The following MSANTD4 variants were observed in gnomAD, a reference collection of about 807,000 sequenced individuals.
MSANTD4 encodes Myb/SANT DNA binding domain containing 4 with coiled-coils.
Under a neutral mutation model 34.3 loss-of-function variants are expected in MSANTD4, and 13 were observed. That is an observed-to-expected ratio of 0.38 (90% CI 0.25 to 0.60). The LOEUF is 0.60. Ranked by LOEUF, MSANTD4 falls within the 20% of genes least tolerant of loss-of-function variation. The pLI, the probability that MSANTD4 is intolerant of heterozygous loss-of-function variation, is 0.63. For synonymous variants in MSANTD4, 137 were observed against 145.2 expected (o/e 0.94, Z 0.41); for missense variants, 358 against 401.8 (o/e 0.89, Z 0.93).
intron 1 of MSANTD4, among the ~76,000 whole-genome samples, chr11:106,017,328 C>T (rs1488637073): frequency 6.6e-6 from 1 of 152,198 alleles, no homozygotes; most frequent in Non-Finnish European, 1.5e-5. Context: ...ACTCTGTCTA[C>T]CACCAACCTG....
rs748599931 is a variant in MSANTD4, at chr11:106,010,447, A to C, written c.462+9T>G. On this transcript the variant is annotated intron_variant, in intron 2 of 2. Transcript: ENST00000301919. ...AAGATTAAAAGAGGGTACAGAGGCT[A>C]ATACTTACTTCAGGACTCTGCGGAT... 5.6e-6 allele frequency: 9 copies of C among 1,604,174 alleles called. No homozygotes were observed. The highest frequency in any genetic ancestry group is 1.7e-4 in the Middle Eastern group (1 of 5,998).
Position 106,010,977 on chromosome 11 carries a change from A to G in MSANTD4, c.-60T>C. The G allele has an allele frequency of 1.3e-6, 2 of 1,493,574 alleles. No homozygotes were observed. The highest frequency in any genetic ancestry group is 1.8e-6 in the Non-Finnish European group (2 of 1,126,100). The allele number at this position is 1,493,574 out of a possible 1,614,324, so 92.5% of individuals were successfully genotyped here. A position where few individuals can be genotyped will look rare whatever the true frequency, so the allele number is the denominator to read the frequency against. ...GTGAAAACAATTTGAGGAATGCTGC[A>G]AAGCACAAAAACCAGGGATAATTCT... On this transcript the variant is annotated 5_prime_UTR_variant, in exon 2 of 3. Coordinates refer to ENST00000301919, the MANE Select transcript of MSANTD4 (RefSeq NM_032424.3).
intron 1 of MSANTD4, among the ~76,000 whole-genome samples, chr11:106,012,346 T>C (rs951999759): frequency 6.6e-6 from 1 of 152,168 alleles, no homozygotes; most frequent in East Asian, 1.9e-4. Flanking sequence ...GGCTGGACTA[T>C]ATTTTTGTTT....
rs190319349 is a variant in MSANTD4 at position 106,020,551 on chromosome 11, G to A, written c.-151+411C>T. The stretch of plus-strand genomic sequence containing the variant: ...CCGTAAGATTTTGCTCTTAGAATCT[G>A]AGATCAATTTAGAAATCGCATTGTT... On this transcript the variant is annotated intron_variant, in intron 1 of 2. Transcript: ENST00000301919. Among the ~76,000 whole-genome samples, 322 of 152,290 alleles carry A rather than the reference G, an allele frequency of 2.1e-3. 1 individual carries two copies. The highest frequency in any genetic ancestry group is 6.4e-3 in the Admixed American group (98 of 15,292).
intron 1 of MSANTD4, among the ~76,000 whole-genome samples, 159 bp downstream of exon 1, chr11:106,020,803 A>C (rs1018185891): frequency 1.3e-4 from 20 of 152,340 alleles, no homozygotes; most frequent in African/African-American, 4.8e-4. Context: ...ATACATTTTT[A>C]ACCTGACTGA....
intron 1 of MSANTD4, 80 bp from the exon 2 acceptor site, chr11:106,011,147 T>C: frequency 1.6e-6 from 1 of 639,496 alleles, no homozygotes; most frequent in Non-Finnish European, 2.4e-6. Context: ...ATATAATTTT[T>C]AAGAGAAACA....
chr11:106,016,694 T>C (rs1310375919), intron 1 of MSANTD4, among the ~76,000 whole-genome samples: 2 of 152,120 alleles, frequency 1.3e-5, no homozygotes, highest in Admixed American at 6.5e-5. Context: ...CAAGTCAACA[T>C]AGGCAAGAAG....
At chr11:106,017,674 T>C (rs1591522518) in intron 1 of MSANTD4, among the ~76,000 whole-genome samples, 1 of 152,190 alleles carries the variant, frequency 6.6e-6, no homozygotes, top group Non-Finnish European at 1.5e-5. Flanking sequence ...ATGTATTACA[T>C]GAATACATAC....
In MSANTD4 at chr11:106,009,414, T is replaced by A. The variant is rs1859617587; in HGVS notation, c.*121A>T. 2 of 945,926 alleles carry A rather than the reference T, an allele frequency of 2.1e-6. No individual in the cohort carries two copies. Among genetic ancestry groups the A allele is most frequent in the Non-Finnish European group, 1.6e-6 (1 of 639,232 alleles). The allele number at this position is 945,926 out of a possible 1,614,324, so 58.6% of individuals were successfully genotyped here. A position where few individuals can be genotyped will look rare whatever the true frequency, so the allele number is the denominator to read the frequency against. ...CATACAGTTATCCACATATAACTTT[T>A]TCCTACTGAACACTGACATTAGACA... On this transcript the variant is annotated 3_prime_UTR_variant, in exon 3 of 3. Coordinates refer to ENST00000301919, the MANE Select transcript of MSANTD4 (RefSeq NM_032424.3).
chr11:106,010,582 A>C lies in MSANTD4; in HGVS notation c.336T>G (p.Asp112Glu). Residue 112 changes from aspartate (D) to glutamate (E), a missense_variant, in exon 2 of 3, where the codon GAT becomes GAG. Asp to Glu is a conservative substitution (Grantham distance 45). Around this residue, in one of 2 missense-constraint regions of MSANTD4, gnomAD observed 312 missense variants for 317.6 expected, o/e 0.98. Transcript: ENST00000301919. ...DLDDSLTEEI[D>E]EKIGFRNDAN... ...CATCATTTCGGAATCCAATCTTTTC[A>C]TCTATCTCTTCAGTGAGAGAGTCAT... 6.2e-7 allele frequency: 1 copy of C among 1,614,150 alleles called. No homozygotes were observed. Among genetic ancestry groups the C allele is most frequent in the Non-Finnish European group, 8.5e-7 (1 of 1,180,034 alleles).
At chr11:106,013,161 G>A (rs2134943401) in intron 1 of MSANTD4, among the ~76,000 whole-genome samples, 1 of 152,254 alleles carries the variant, frequency 6.6e-6, no homozygotes. Context: ...GATGTAAGGG[G>A]AAACAGGGCT....
rs914579167 is a variant in MSANTD4 at position 106,021,177 on chromosome 11, C to G, written c.-366G>C. Reference sequence around the variant, plus strand: ...TGTGAAAATATGTCATTTTAGATGTCAAACACTATCCCTTTTCTATTGCCT... The same window carrying G: ...TGTGAAAATATGTCATTTTAGATGTGAAACACTATCCCTTTTCTATTGCCT... On this transcript the variant is annotated 5_prime_UTR_variant, in exon 1 of 3. Transcript: ENST00000301919. 2.0e-5 allele frequency: 3 copies of G among 152,176 alleles called. No homozygotes were observed. The highest frequency in any genetic ancestry group is 7.2e-5 in the African/African-American group (3 of 41,438). The allele number at this position is 152,176 out of a possible 1,614,324, so 9.4% of individuals were successfully genotyped here. A position where few individuals can be genotyped will look rare whatever the true frequency, so the allele number is the denominator to read the frequency against.
rs577505836 is a variant in MSANTD4 at position 106,020,834 on chromosome 11, T to C, written c.-151+128A>G. 3 of 152,354 alleles carry C rather than the reference T, an allele frequency of 2.0e-5. No individual in the cohort carries two copies. In the East Asian group the frequency reaches 5.8e-4, roughly 29 times the overall value. 9.4% of individuals were successfully genotyped at this position (152,354 alleles called of 1,614,324 possible). A position where few individuals can be genotyped will look rare whatever the true frequency, so the allele number is the denominator to read the frequency against. ...ACTGAAATTGATATTGGGATGCACC[T>C]TAGATACCCAGTCTTGGCTTAATTG... On this transcript the variant is annotated intron_variant, in intron 1 of 2. Transcript: ENST00000301919.
intron 1 of MSANTD4, among the ~76,000 whole-genome samples, 146 bp downstream of exon 1, chr11:106,020,810 CTGAAAT>C (rs962596989): frequency 6.6e-6 from 1 of 152,160 alleles, no homozygotes; most frequent in Non-Finnish European, 1.5e-5. Flanking sequence ...TTTAACCTGA[CTGAAAT>C]TGATATTGGG....
rs145471559 is a variant in MSANTD4 at position 106,009,583 on chromosome 11, C to T, written c.990G>A (p.Gln330=). 2.4e-5 allele frequency: 38 copies of T among 1,613,766 alleles called. No homozygotes were observed. The highest frequency in any genetic ancestry group is 3.1e-5 in the Non-Finnish European group (37 of 1,179,950). The change falls in exon 3 of 3, where the codon CAG becomes CAA. Residue 330 remains glutamine (Q), a synonymous_variant. Coordinates refer to ENST00000301919, the MANE Select transcript of MSANTD4 (RefSeq NM_032424.3). ...GAATTCGAAGTCTGTCTTTCTCTAC[C>T]TGTAAGCGTTCCTTTTCAATCTGCA... ...EKLQIEKERL[Q]VEKDRLRIQK... is the part of the protein sequence containing the mutation.
chr11:106,018,596 T>C (rs1859930965), intron 1 of MSANTD4, among the ~76,000 whole-genome samples: 2 of 152,242 alleles, frequency 1.3e-5, no homozygotes, highest in South Asian at 2.1e-4. Flanking sequence ...AGAGAGCAAA[T>C]GGTGTAGCTC....
intron 1 of MSANTD4, among the ~76,000 whole-genome samples, chr11:106,014,616 T>C (rs1195990245): frequency 6.6e-6 from 1 of 152,260 alleles, no homozygotes; most frequent in Non-Finnish European, 1.5e-5. Context: ...TCTTTTAGAC[T>C]GAAAAGTGGA....
At chr11:106,019,411 T>C (rs1429889581) in intron 1 of MSANTD4, among the ~76,000 whole-genome samples, 1 of 152,234 alleles carries the variant, frequency 6.6e-6, no homozygotes, top group Admixed American at 6.5e-5. Context: ...ATATAAACAA[T>C]TATTGAGATA....
intron 1 of MSANTD4, among the ~76,000 whole-genome samples, chr11:106,013,730 T>C (rs1859764056): frequency 6.6e-6 from 1 of 152,100 alleles, no homozygotes; most frequent in Non-Finnish European, 1.5e-5. Flanking sequence ...GGCATGGTGG[T>C]GCACACCTAT....
Sources: gnomAD v4.1 joint callset for allele counts (sites outside exome capture counted in the v4.1 genomes callset) on GRCh38, gnomAD v4.1.1 for gene constraint, gnomAD v4.1.1 regional missense constraint, MANE v1.5 for transcripts, NCBI Gene and HGNC (gene_info 2026-07-23, HGNC 2026-07-21) for gene names.